The following EBPL variants were observed in gnomAD, a reference collection of about 807,000 sequenced individuals.
The protein encoded by EBPL is emopamil-binding protein-like.
EBPL carries 20 observed loss-of-function variants against 19.0 expected under a neutral mutation model. That is an observed-to-expected ratio of 1.05 (90% CI 0.74 to 1.53). The LOEUF (loss-of-function observed/expected upper bound fraction) is 1.53. Ranked by LOEUF, EBPL falls within the 40% of genes most tolerant of loss-of-function variation. The pLI is 0.00. For missense variants in EBPL, 219 were observed against 261.1 expected (o/e 0.84, Z 1.11); for synonymous variants, 107 against 117.0 (o/e 0.91, Z 0.55).
At chr13:49,688,962 G>T (rs1332421062) in intron 1 of EBPL, among the ~76,000 whole-genome samples, 1 of 152,152 alleles carries the variant, frequency 6.6e-6, no homozygotes, top group East Asian at 1.9e-4. Flanking sequence ...CATGTACAAA[G>T]ACGTTGGTAG....
chr13:49,665,856 A>G (rs1335205563), intron 2 of EBPL, among the ~76,000 whole-genome samples: 1 of 152,078 alleles, frequency 6.6e-6, no homozygotes, highest in African/African-American at 2.4e-5. Flanking sequence ...AGCGAATATG[A>G]GGGCAGGGAA....
chr13:49,665,685 G>A (rs900414540), intron 2 of EBPL, among the ~76,000 whole-genome samples: 4 of 151,394 alleles, frequency 2.6e-5, no homozygotes, highest in South Asian at 2.1e-4. Flanking sequence ...GATTACAGGC[G>A]TGGGCCACCG....
chr13:49,689,031 G>C (rs1378527605), intron 1 of EBPL, among the ~76,000 whole-genome samples: 1 of 152,288 alleles, frequency 6.6e-6, no homozygotes, highest in East Asian at 1.9e-4. Flanking sequence ...TTAAGTGATC[G>C]TATTCATCAA....
At chr13:49,672,150 C>CT (rs1953824394) in intron 1 of EBPL, among the ~76,000 whole-genome samples, 1 of 152,214 alleles carries the variant, frequency 6.6e-6, no homozygotes, top group African/African-American at 2.4e-5. Flanking sequence ...ACTGTCATCT[C>CT]TACCTTAGAA....
chr13:49,682,332 T>C (rs532841384), intron 1 of EBPL, among the ~76,000 whole-genome samples: 1 of 152,312 alleles, frequency 6.6e-6, no homozygotes, highest in South Asian at 2.1e-4. Flanking sequence ...TGCCAGAAGG[T>C]TGTTACTTCT....
chr13:49,684,724 T>C (rs1375028957), intron 1 of EBPL, among the ~76,000 whole-genome samples: 2 of 152,050 alleles, frequency 1.3e-5, no homozygotes, highest in African/African-American at 4.8e-5. Context: ...ACAGTAGCAA[T>C]GAAAATATAA....
At chr13:49,674,291 A>G (rs1311759749) in intron 1 of EBPL, among the ~76,000 whole-genome samples, 1 of 151,970 alleles carries the variant, frequency 6.6e-6, no homozygotes, top group African/African-American at 2.4e-5. Context: ...TTTAGTAGAG[A>G]TGGGGTTTCG....
chr13:49,663,960 C>T (rs1470743157), intron 2 of EBPL, among the ~76,000 whole-genome samples: 1 of 133,214 alleles, frequency 7.5e-6, no homozygotes, highest in East Asian at 2.5e-4. Flanking sequence ...CAACCAAAAA[C>T]TTGTTTCTTG....
chr13:49,683,788 A>G (rs1371565142), intron 1 of EBPL, among the ~76,000 whole-genome samples: 1 of 152,232 alleles, frequency 6.6e-6, no homozygotes, highest in Non-Finnish European at 1.5e-5. Context: ...CGCCGTGGAA[A>G]GCAGGATGGC....
intron 1 of EBPL, among the ~76,000 whole-genome samples, chr13:49,691,048 G>C (rs780536196): frequency 6.6e-6 from 1 of 152,342 alleles, no homozygotes; most frequent in African/African-American, 2.4e-5. Context: ...GGCAGCACAA[G>C]GTAAGCTGCG....
chr13:49,687,294 T>C (rs1175126181), intron 1 of EBPL, among the ~76,000 whole-genome samples: 1 of 152,046 alleles, frequency 6.6e-6, no homozygotes, highest in African/African-American at 2.4e-5. Context: ...CAGTTAGCTT[T>C]CCTCCCCATT....
intron 1 of EBPL, chr13:49,686,389 C>G (rs1594417955): frequency 8.3e-7 from 1 of 1,205,396 alleles, no homozygotes; most frequent in African/African-American, 1.6e-5. Context: ...TTCTCCTCTA[C>G]CTGGCCTATA....
chr13:49,674,950 G>A (rs1953860542), intron 1 of EBPL, among the ~76,000 whole-genome samples: 1 of 152,118 alleles, frequency 6.6e-6, no homozygotes, highest in South Asian at 2.1e-4. Flanking sequence ...CTAAAACAAT[G>A]TGCCCACTAA....
At chr13:49,686,385 T>A in intron 1 of EBPL, 1 of 1,196,794 alleles carries the variant, frequency 8.4e-7, no homozygotes, top group South Asian at 1.5e-5. Context: ...CAGCTTCTCC[T>A]CTACCTGGCC....
chr13:49,661,890 T>C (rs1566311207), intron 3 of EBPL: 1 of 1,550,610 alleles, frequency 6.4e-7, no homozygotes, highest in Non-Finnish European at 8.7e-7. Context: ...GGGATTCATC[T>C]CAGGATAGCA....
intron 1 of EBPL, among the ~76,000 whole-genome samples, chr13:49,674,096 T>C (rs1479102327): frequency 1.3e-5 from 2 of 152,078 alleles, no homozygotes; most frequent in Non-Finnish European, 2.9e-5. Flanking sequence ...GTACCAAAAT[T>C]ATCAAAATAG....
intron 1 of EBPL, among the ~76,000 whole-genome samples, chr13:49,671,856 T>C (rs150101286): frequency 4.7e-4 from 71 of 152,308 alleles, no homozygotes; most frequent in African/African-American, 1.7e-3. Context: ...GAAGCAACTC[T>C]GGGTAAGAGC....
At chr13:49,690,888 C>T (rs1337590656) in intron 1 of EBPL, among the ~76,000 whole-genome samples, 1 of 152,180 alleles carries the variant, frequency 6.6e-6, no homozygotes, top group Non-Finnish European at 1.5e-5. Context: ...TCTCCTTGCC[C>T]CCTCTGGGGC....
chr13:49,669,284 T>G (rs1167768214), intron 2 of EBPL, among the ~76,000 whole-genome samples: 1 of 152,162 alleles, frequency 6.6e-6, no homozygotes, highest in Non-Finnish European at 1.5e-5. Flanking sequence ...CAATGCAGCC[T>G]TGAACTCCTG....
Sources: allele counts gnomAD v4.1 joint callset (sites outside exome capture counted in the v4.1 genomes callset), GRCh38; gene constraint gnomAD v4.1.1; transcripts MANE v1.5; gene names NCBI Gene and HGNC (gene_info 2026-07-23, HGNC 2026-07-21).